The following RGS22 variants were observed in gnomAD, a reference collection of about 807,000 sequenced individuals.
RGS22 encodes regulator of G protein signaling 22.
A neutral mutation model predicts 172.9 loss-of-function variants in RGS22; 148 were observed. That is an observed-to-expected ratio of 0.86 (90% CI 0.75 to 0.98). RGS22 has a LOEUF of 0.98. RGS22 is among the 50% of genes least tolerant of loss of function. The pLI is 0.00. For synonymous variants in RGS22, 458 were observed against 480.2 expected (o/e 0.95, Z 0.60); for missense variants, 1,347 against 1,440.8 (o/e 0.93, Z 1.05).
intron 7 of RGS22, among the ~76,000 whole-genome samples, chr8:100,065,558 C>T (rs1810479651): frequency 1.3e-5 from 2 of 152,136 alleles, no homozygotes; most frequent in South Asian, 4.1e-4. Flanking sequence ...AGTCCTCACA[C>T]TTAAGTTTTT....
At chr8:100,025,542 G>A (rs1380855487) in intron 14 of RGS22, among the ~76,000 whole-genome samples, 1 of 152,174 alleles carries the variant, frequency 6.6e-6, no homozygotes, top group Non-Finnish European at 1.5e-5. Flanking sequence ...AGCTCTGTTA[G>A]TGCACCTGAA....
rs2131267712 is a variant in RGS22 at position 99,990,853 on chromosome 8, T to C, written c.3019-3234A>G. Among the ~76,000 whole-genome samples, 2 of 152,230 alleles carry C rather than the reference T, an allele frequency of 1.3e-5. 1 individual carries two copies. The highest frequency in any genetic ancestry group is 1.3e-4 in the Admixed American group (2 of 15,292). On this transcript the variant is annotated intron_variant, in intron 20 of 27. Coordinates refer to ENST00000360863, the MANE Select transcript of RGS22 (RefSeq NM_015668.5). Reference sequence around the variant, plus strand: ...AGCCTAACTGGGAGACACCTCCCAGTAGGGGCTGACAGACACCTCATATAG... The same window carrying C: ...AGCCTAACTGGGAGACACCTCCCAGCAGGGGCTGACAGACACCTCATATAG...
At chr8:99,986,696 C>T (rs1813133583) in intron 21 of RGS22, among the ~76,000 whole-genome samples, 1 of 152,138 alleles carries the variant, frequency 6.6e-6, no homozygotes, top group East Asian at 1.9e-4. Context: ...TTCTCTTTTA[C>T]TTATTTTGTT....
chr8:100,051,749 T>TTATATATTTATATATAAATGTTTA lies in RGS22; in HGVS notation c.1689+1029_1689+1052dup, dbSNP rs1212100191. ...TATATACGTATATATAAATATATAT[T>TTATATATTTATATATAAATGTTTA]TATATATTTATATATAAATGTTTAT... On this transcript the variant is annotated intron_variant, in intron 10 of 27. Coordinates refer to ENST00000360863, the MANE Select transcript of RGS22 (RefSeq NM_015668.5). Among the ~76,000 whole-genome samples the TTATATATTTATATATAAATGTTTA allele has an allele frequency of 6.7e-5, 5 of 74,632 alleles. 2 individuals carry two copies. Among genetic ancestry groups the TTATATATTTATATATAAATGTTTA allele is most frequent in the Non-Finnish European group, 8.6e-5 (4 of 46,570 alleles). 49.0% of individuals were successfully genotyped at this position (74,632 alleles called of 152,430 possible).
chr8:100,068,716 G>A (rs1417128816), intron 6 of RGS22, among the ~76,000 whole-genome samples: 1 of 152,020 alleles, frequency 6.6e-6, no homozygotes, highest in Non-Finnish European at 1.5e-5. Flanking sequence ...TGAATTGCTG[G>A]AGCTCAGCAG....
At chr8:99,963,400 C>T (rs917130596) in intron 24 of RGS22, among the ~76,000 whole-genome samples, 1 of 152,084 alleles carries the variant, frequency 6.6e-6, no homozygotes, top group Non-Finnish European at 1.5e-5. Flanking sequence ...TTTATATATT[C>T]AATTTGATTG....
chr8:100,066,426 A>AG (rs1810542483), intron 6 of RGS22, 130 bp from the exon 7 acceptor site: 1 of 687,716 alleles, frequency 1.5e-6, no homozygotes, highest in Non-Finnish European at 2.3e-6. Flanking sequence ...TATCTCATGA[A>AG]GGAAAATAAA....
intron 3 of RGS22, among the ~76,000 whole-genome samples, chr8:100,089,211 A>AACACACACACAC (rs58302018): frequency 1.6e-4 from 23 of 144,612 alleles, no homozygotes; most frequent in African/African-American, 5.3e-4. Flanking sequence ...CACACACACA[A>AACACACACACAC]ACACACACAC....
chr8:100,016,950 C>CTCCCTACA (rs1817035285), intron 14 of RGS22, among the ~76,000 whole-genome samples: 1 of 139,438 alleles, frequency 7.2e-6, no homozygotes, highest in East Asian at 2.1e-4. Flanking sequence ...ATAATACACT[C>CTCCCTACA]TCCCTACATC....
rs761051359 is a variant in RGS22, at chr8:100,080,154, T to C, written c.319A>G (p.Asn107Asp). 5 of 1,607,204 alleles carry C rather than the reference T, an allele frequency of 3.1e-6. No individual in the cohort carries two copies. The highest frequency in any genetic ancestry group is 1.7e-4 in the Middle Eastern group (1 of 6,038). Residue 107 changes from asparagine (N) to aspartate (D), a missense_variant, in exon 4 of 28, where the codon AAT becomes GAT. Asn to Asp is a conservative substitution (Grantham distance 23, BLOSUM62 1). Transcript: ENST00000360863. ...CTTACCATAATATTGTAGTTGACAT[T>C]AATGGTCTCATCTTCATCGGGGGCA... is the stretch of plus-strand genomic sequence containing the variant. ...MNAPDEDETI[N>D]VNYNIMCLSR...
rs987073012 is a variant in RGS22 at position 100,080,359 on chromosome 8, C to T, written c.118-4G>A. ...ATCTAATTGCCTCTGAAAAGGTCTG[C>T]AATATAAATTTGTGGAAATTAAAAC... On this transcript the variant is annotated splice_polypyrimidine_tract_variant and splice_region_variant and intron_variant, in intron 3 of 27. Coordinates refer to ENST00000360863, the MANE Select transcript of RGS22 (RefSeq NM_015668.5). 1.9e-6 allele frequency: 3 copies of T among 1,593,270 alleles called. No individual in the cohort carries two copies. In the African/African-American group the frequency reaches 4.1e-5, roughly 22 times the overall value.
chr8:100,088,685 C>T (rs995436857), intron 3 of RGS22, among the ~76,000 whole-genome samples: 2 of 152,082 alleles, frequency 1.3e-5, no homozygotes, highest in African/African-American at 4.8e-5. Context: ...AGGCAGGCTA[C>T]CAGCCACCAG....
rs1240903904 is a variant in RGS22, at chr8:99,970,918, A to G, written c.3520-5488T>C. The stretch of plus-strand genomic sequence containing the variant: ...TCCTGATACCACAACTGGCAGAGAC[A>G]CAACAAAAAAGAAAATTTCAGGCCA... On this transcript the variant is annotated intron_variant, in intron 23 of 27. Transcript: ENST00000360863. 2.0e-5 allele frequency among the ~76,000 whole-genome samples: 3 copies of G among 152,200 alleles called. No homozygotes were observed. In the East Asian group the frequency reaches 5.8e-4, roughly 29 times the overall value.
chr8:100,069,361 T>C (rs1810776634), intron 6 of RGS22, among the ~76,000 whole-genome samples: 1 of 152,232 alleles, frequency 6.6e-6, no homozygotes. Flanking sequence ...ATAGATGCCA[T>C]TCCTGATTTT....
At chr8:100,056,882 G>A (rs530473820) in intron 9 of RGS22, among the ~76,000 whole-genome samples, 81 of 152,346 alleles carry the variant, frequency 5.3e-4, no homozygotes, top group Middle Eastern at 3.4e-3. Flanking sequence ...TAGTGGAGCT[G>A]TGAGAAGAGG....
chr8:100,003,882 T>C (rs1815377726), intron 17 of RGS22, 44 bp downstream of exon 17: 1 of 1,450,510 alleles, frequency 6.9e-7, no homozygotes, highest in Admixed American at 2.3e-5. Flanking sequence ...AATAGTAGCT[T>C]AGAAAAATGT....
chr8:99,965,277 A>G (rs773854503), intron 24 of RGS22, 58 bp downstream of exon 24: 1 of 1,127,346 alleles, frequency 8.9e-7, no homozygotes, highest in Non-Finnish European at 1.4e-6. Flanking sequence ...GAGTTACTGC[A>G]TTCCACTATC....
At chr8:100,029,702 CA>C (rs369058108) in intron 14 of RGS22, among the ~76,000 whole-genome samples, 5,191 of 61,962 alleles carry the variant, frequency 0.084, 134 homozygotes, top group African/African-American at 0.21. Context: ...AACTCCGTCT[CA>C]AAAAAAAAAA....
chr8:100,087,364 A>G (rs924363872), intron 3 of RGS22, among the ~76,000 whole-genome samples: 2 of 152,184 alleles, frequency 1.3e-5, no homozygotes, highest in Admixed American at 6.5e-5. Flanking sequence ...CAAATATTCC[A>G]AAACGAATTG....
Sources: gnomAD v4.1 joint callset for allele counts (sites outside exome capture counted in the v4.1 genomes callset) on GRCh38, gnomAD v4.1.1 for gene constraint, MANE v1.5 for transcripts, NCBI Gene and HGNC (gene_info 2026-07-23, HGNC 2026-07-21) for gene names.